The following CHODL variants were observed in gnomAD, a reference collection of about 807,000 sequenced individuals.
CHODL encodes chondrolectin, also known as transmembrane protein MT75.
A neutral mutation model predicts 34.5 loss-of-function variants in CHODL; 29 were observed. That is an observed-to-expected ratio of 0.84 (90% CI 0.63 to 1.15). CHODL has a LOEUF of 1.15. Ranked by LOEUF, CHODL falls within the 50% of genes most tolerant of loss-of-function variation. The pLI is 0.00. For missense variants in CHODL, 332 were observed against 332.5 expected (o/e 1.00, Z 0.01); for synonymous variants, 125 against 116.1 (o/e 1.08, Z -0.49).
At chr21:18,258,070 T>G (rs2146815880) in intron 3 of CHODL, among the ~76,000 whole-genome samples, 1 of 152,278 alleles carries the variant, frequency 6.6e-6, no homozygotes, top group South Asian at 2.1e-4. Flanking sequence ...CTGCTTCCAT[T>G]ATTCTCCTGA....
intron 1 of CHODL, among the ~76,000 whole-genome samples, chr21:18,013,045 A>AC (rs1259492810): frequency 6.6e-6 from 1 of 152,230 alleles, no homozygotes; most frequent in Non-Finnish European, 1.5e-5. Flanking sequence ...TCATAAACAT[A>AC]CCAGTAACTA....
At chr21:18,088,182 T>C (rs2065030199) in intron 2 of CHODL, among the ~76,000 whole-genome samples, 1 of 152,128 alleles carries the variant, frequency 6.6e-6, no homozygotes, top group Admixed American at 6.5e-5. Context: ...CAGCCTGGTT[T>C]CCCTGAGGAC....
upstream of CHODL, among the ~76,000 whole-genome samples, chr21:18,243,005 C>A (rs1471132151): frequency 6.6e-6 from 1 of 152,122 alleles, no homozygotes; most frequent in African/African-American, 2.4e-5. Flanking sequence ...GCATGAGTAA[C>A]TGAGAGTAGG....
chr21:18,019,456 ATAAT>A (rs1266138263), intron 1 of CHODL, among the ~76,000 whole-genome samples: 4 of 152,288 alleles, frequency 2.6e-5, no homozygotes, highest in East Asian at 1.9e-4. Context: ...ACATTTTAAA[ATAAT>A]TAAGAGTATA....
intron 2 of CHODL, among the ~76,000 whole-genome samples, chr21:18,072,992 C>G (rs756076419): frequency 1.4e-4 from 22 of 151,986 alleles, no homozygotes; most frequent in Non-Finnish European, 2.8e-4. Context: ...AAAAGCTAAG[C>G]CTTTGGAAGG....
At chr21:17,940,672 T>G (rs1263505193) in intron 1 of CHODL, among the ~76,000 whole-genome samples, 1 of 152,232 alleles carries the variant, frequency 6.6e-6, no homozygotes, top group Non-Finnish European at 1.5e-5. Context: ...TTAAAACGTT[T>G]CTTATATGCA....
intron 2 of CHODL, among the ~76,000 whole-genome samples, chr21:18,049,043 A>G (rs1015945826): frequency 6.6e-6 from 1 of 151,990 alleles, no homozygotes; most frequent in Non-Finnish European, 1.5e-5. Flanking sequence ...ACAAAACAAT[A>G]CAAAATTAGT....
intron 2 of CHODL, among the ~76,000 whole-genome samples, chr21:18,125,112 C>T (rs545634966): frequency 7.9e-5 from 12 of 152,278 alleles, no homozygotes; most frequent in Non-Finnish European, 1.3e-4. Flanking sequence ...TAGTCTTAAG[C>T]CAGGTGTGTC....
intron 1 of CHODL, among the ~76,000 whole-genome samples, chr21:17,976,052 G>T (rs952281345): frequency 6.6e-6 from 1 of 151,578 alleles, no homozygotes; most frequent in Admixed American, 6.6e-5. Context: ...TTAATATGAC[G>T]AAACTCTAAA....
intron 2 of CHODL, among the ~76,000 whole-genome samples, chr21:18,046,543 A>G (rs1308344399): frequency 1.3e-5 from 2 of 151,948 alleles, no homozygotes; most frequent in African/African-American, 4.8e-5. Context: ...CAAGTAGGTA[A>G]TGGTAATGTC....
At chr21:18,135,738 G>T (rs1004404533) in intron 2 of CHODL, among the ~76,000 whole-genome samples, 6 of 152,150 alleles carry the variant, frequency 3.9e-5, no homozygotes, top group African/African-American at 1.4e-4. Flanking sequence ...TGCATTTTGT[G>T]TTCCTAATGC....
chr21:18,082,799 G>T (rs1158675774), intron 2 of CHODL, among the ~76,000 whole-genome samples: 1 of 152,064 alleles, frequency 6.6e-6, no homozygotes, highest in African/African-American at 2.4e-5. Context: ...TGGCCTGGCT[G>T]CTCCTAACAG....
At chr21:18,146,212 C>T (rs1233748614) in intron 2 of CHODL, among the ~76,000 whole-genome samples, 1 of 151,200 alleles carries the variant, frequency 6.6e-6, no homozygotes, top group Non-Finnish European at 1.5e-5. Flanking sequence ...CTCCTGACAT[C>T]GTTATCCGCC....
intron 1 of CHODL, among the ~76,000 whole-genome samples, chr21:17,985,577 T>C (rs1333106465): frequency 1.3e-5 from 2 of 152,200 alleles, no homozygotes; most frequent in African/African-American, 4.8e-5. Flanking sequence ...TAACTTGTTC[T>C]GGTTTGTGTA....
At chr21:17,928,829 G>C (rs921464156) in intron 1 of CHODL, among the ~76,000 whole-genome samples, 1 of 152,164 alleles carries the variant, frequency 6.6e-6, no homozygotes, top group African/African-American at 2.4e-5. Context: ...TTATTGAGCT[G>C]AATTATATTT....
At chr21:18,248,250 C>CAGT (rs2074168124) in intron 1 of CHODL, among the ~76,000 whole-genome samples, 1 of 151,544 alleles carries the variant, frequency 6.6e-6, no homozygotes, top group Non-Finnish European at 1.5e-5. Flanking sequence ...GGGTGGTGAA[C>CAGT]AGTAGCACAT....
At chr21:18,133,715 C>G (rs1424736481) in intron 2 of CHODL, among the ~76,000 whole-genome samples, 2 of 152,116 alleles carry the variant, frequency 1.3e-5, no homozygotes, top group Non-Finnish European at 2.9e-5. Flanking sequence ...CTCATCAACT[C>G]AAACATAAGC....
upstream of CHODL, among the ~76,000 whole-genome samples, chr21:18,239,861 G>A (rs1233269411): frequency 1.3e-5 from 2 of 151,860 alleles, no homozygotes; most frequent in Non-Finnish European, 2.9e-5. Flanking sequence ...GAACAATTTT[G>A]AAATTAAATG....
chr21:17,964,103 C>T (rs1401490544), intron 1 of CHODL, among the ~76,000 whole-genome samples: 1 of 152,154 alleles, frequency 6.6e-6, no homozygotes, highest in Non-Finnish European at 1.5e-5. Context: ...TACAAGTTAA[C>T]ATAACATTCA....
Sources: allele counts gnomAD v4.1 joint callset (sites outside exome capture counted in the v4.1 genomes callset), GRCh38; gene constraint gnomAD v4.1.1; transcripts MANE v1.5; gene names NCBI Gene and HGNC (gene_info 2026-07-23, HGNC 2026-07-21).